Variants in RAB28 observed in about 807,000 individuals in gnomAD.
The protein encoded by RAB28 is ras-related protein Rab-28.
A neutral mutation model predicts 31.7 loss-of-function variants in RAB28; 24 were observed. The observed-to-expected ratio is 0.76, with a 90% CI of 0.55 to 1.06. The LOEUF is 1.06. Among genes scored for constraint, RAB28 ranks in the 50% least tolerant of loss-of-function variants. RAB28 has a pLI of 0.00. For missense variants in RAB28, 254 were observed against 258.5 expected, an observed-to-expected ratio of 0.98 and a Z score of 0.12; for synonymous variants, 100 against 90.4, an observed-to-expected ratio of 1.11 and a Z score of -0.60.
chr4:13,473,664 T>C, intron 3 of RAB28: 1 of 164,592 alleles, frequency 6.1e-6, no homozygotes, highest in Admixed American at 6.2e-5. Flanking sequence ...TAAAATCTTA[T>C]AAATTATATC....
At chr4:13,448,540 A>G (rs1311583033) in intron 4 of RAB28, among the ~76,000 whole-genome samples, 1 of 152,118 alleles carries the variant, frequency 6.6e-6, no homozygotes, top group East Asian at 1.9e-4. Context: ...TATCCAAAAA[A>G]GTAACTATGA....
At chr4:13,371,755 T>C (rs754120671) in intron 6 of RAB28, 107 of 1,546,482 alleles carry the variant, frequency 6.9e-5, no homozygotes, top group Non-Finnish European at 8.0e-5. Flanking sequence ...AAGCCATTTA[T>C]TGATGTTTTT....
At chr4:13,472,061 A>G (rs1240316143) in intron 3 of RAB28, among the ~76,000 whole-genome samples, 1 of 152,098 alleles carries the variant, frequency 6.6e-6, no homozygotes, top group Non-Finnish European at 1.5e-5. Context: ...TAATAACATA[A>G]AATATATACT....
At chr4:13,371,891 G>C in intron 6 of RAB28, 3 of 1,502,652 alleles carry the variant, frequency 2.0e-6, no homozygotes, top group Non-Finnish European at 2.7e-6. Context: ...AGTTATATGG[G>C]TGAATACAAG....
intron 4 of RAB28, among the ~76,000 whole-genome samples, chr4:13,399,928 G>A (rs1455207938): frequency 6.6e-6 from 1 of 151,932 alleles, no homozygotes; most frequent in Non-Finnish European, 1.5e-5. Flanking sequence ...TAGCAATTAT[G>A]TATTGTTTAA....
chr4:13,461,364 G>A (rs143627585), intron 3 of RAB28, among the ~76,000 whole-genome samples: 135 of 152,280 alleles, frequency 8.9e-4, no homozygotes, highest in African/African-American at 3.1e-3. Flanking sequence ...TGGAGAACTT[G>A]AGAGTATCTT....
At chr4:13,413,214 A>G (rs921465215) in intron 4 of RAB28, among the ~76,000 whole-genome samples, 4 of 152,208 alleles carry the variant, frequency 2.6e-5, no homozygotes, top group Non-Finnish European at 5.9e-5. Context: ...ATACATATCA[A>G]TGTATCTTAT....
intron 2 of RAB28, among the ~76,000 whole-genome samples, chr4:13,478,051 AT>A (rs59050567): frequency 0.097 from 14,630 of 151,558 alleles, 1,396 homozygotes; most frequent in African/African-American, 0.25. Flanking sequence ...GAAATGCCAC[AT>A]TTGAGATTCT....
intron 1 of RAB28, 25 bp from the exon 2 acceptor site, chr4:13,479,551 CA>C (rs1716515804): frequency 7.2e-7 from 1 of 1,395,984 alleles, no homozygotes; most frequent in Non-Finnish European, 1.0e-6. Context: ...CACAGAATGT[CA>C]AAATTAATTC....
intron 4 of RAB28, among the ~76,000 whole-genome samples, chr4:13,433,414 C>A (rs753132618): frequency 1.2e-4 from 18 of 152,002 alleles, no homozygotes; most frequent in Non-Finnish European, 2.4e-4. Context: ...GTATCCAGGT[C>A]AAATACCCAG....
At chr4:13,469,938 A>T (rs1333737574) in intron 3 of RAB28, among the ~76,000 whole-genome samples, 1 of 152,018 alleles carries the variant, frequency 6.6e-6, no homozygotes, top group Non-Finnish European at 1.5e-5. Context: ...CAATTGGCCT[A>T]CCTTGGCCCT....
chr4:13,435,649 C>T (rs181503860), intron 4 of RAB28, among the ~76,000 whole-genome samples: 23 of 152,268 alleles, frequency 1.5e-4, no homozygotes, highest in African/African-American at 5.5e-4. Context: ...TTCCTGGAAA[C>T]ACACAACCTT....
intron 4 of RAB28, among the ~76,000 whole-genome samples, chr4:13,433,150 A>G (rs1577209610): frequency 6.6e-6 from 1 of 151,798 alleles, no homozygotes; most frequent in African/African-American, 2.4e-5. Flanking sequence ...AAAAAAAAAA[A>G]GAAAAAAAAG....
chr4:13,413,568 A>G (rs1351820441), intron 4 of RAB28, among the ~76,000 whole-genome samples: 5 of 152,196 alleles, frequency 3.3e-5, no homozygotes, highest in African/African-American at 1.2e-4. Context: ...TTAAGAGAGA[A>G]AATGAACCCA....
chr4:13,479,627 T>G (rs1210439600), intron 1 of RAB28, 101 bp from the exon 2 acceptor site: 14 of 762,140 alleles, frequency 1.8e-5, no homozygotes, highest in African/African-American at 5.3e-5. Context: ...ATATTGCAAT[T>G]AATCCAACAA....
At chr4:13,441,367 A>C (rs893078502) in intron 4 of RAB28, among the ~76,000 whole-genome samples, 1 of 152,142 alleles carries the variant, frequency 6.6e-6, no homozygotes, top group Non-Finnish European at 1.5e-5. Context: ...TTTAAAAAGT[A>C]ATTAAATACA....
At chr4:13,420,473 A>C (rs1327282883) in intron 4 of RAB28, among the ~76,000 whole-genome samples, 1 of 152,228 alleles carries the variant, frequency 6.6e-6, no homozygotes, top group Non-Finnish European at 1.5e-5. Context: ...ATTTTAGACC[A>C]ATATCCCTGA....
rs1182882828 is a variant in RAB28 at position 13,368,236 on chromosome 4, A to G, written c.*322T>C. The G allele has an allele frequency of 1.1e-5, 11 of 1,008,400 alleles. No homozygotes were observed. Among genetic ancestry groups the G allele is most frequent in the Non-Finnish European group, 1.3e-5 (11 of 845,574 alleles). 62.5% of individuals were successfully genotyped at this position (1,008,400 alleles called of 1,614,324 possible). A position where few individuals can be genotyped will look rare whatever the true frequency, so the allele number is the denominator to read the frequency against. On this transcript the variant is annotated 3_prime_UTR_variant, in exon 7 of 7. Coordinates refer to ENST00000330852, the MANE Select transcript of RAB28 (RefSeq NM_001017979.3). ...TGATCAAGACTTGGAGAGTTTTCATATTAAGTTAAAAAAATTTACATCAAT... is the reference window on the plus strand; with the variant it reads ...TGATCAAGACTTGGAGAGTTTTCATGTTAAGTTAAAAAAATTTACATCAAT...
At chr4:13,449,887 A>C (rs1714875589) in intron 4 of RAB28, among the ~76,000 whole-genome samples, 1 of 151,826 alleles carries the variant, frequency 6.6e-6, no homozygotes, top group African/African-American at 2.4e-5. Context: ...TTCTGTTTAT[A>C]ATCTATCCAA....
Sources: gnomAD v4.1 joint callset for allele counts (sites outside exome capture counted in the v4.1 genomes callset) on GRCh38, gnomAD v4.1.1 for gene constraint, MANE v1.5 for transcripts, NCBI Gene and HGNC (gene_info 2026-07-23, HGNC 2026-07-21) for gene names.